SFMBT2: variants seen among roughly 807,000 people sequenced by gnomAD.
SFMBT2 encodes the protein Scm like with four mbt domains 2.
A neutral mutation model predicts 110.1 loss-of-function variants in SFMBT2; 38 were observed. The observed-to-expected ratio is 0.35, with a 90% CI of 0.27 to 0.45. The LOEUF is 0.45. Among genes scored for constraint, SFMBT2 ranks in the 20% least tolerant of loss-of-function variants. SFMBT2 has a pLI of 1.00. For missense variants in SFMBT2, 1,011 were observed against 1,094.9 expected, an observed-to-expected ratio of 0.92 and a Z score of 1.08; for synonymous variants, 425 against 425.4, an observed-to-expected ratio of 1.00 and a Z score of 0.01.
chr10:7,386,906 C>A (rs1345626156), intron 1 of SFMBT2, among the ~76,000 whole-genome samples: 1 of 152,164 alleles, frequency 6.6e-6, no homozygotes, highest in Non-Finnish European at 1.5e-5. Context: ...GATGAAGTCA[C>A]CTGCTCAGCA....
chr10:7,277,963 CCT>C (rs1303426195), intron 6 of SFMBT2, among the ~76,000 whole-genome samples: 3 of 152,194 alleles, frequency 2.0e-5, no homozygotes, highest in East Asian at 3.8e-4. Flanking sequence ...GCTTTAAGCC[CCT>C]GTTTCCGCAG....
chr10:7,292,114 A>G (rs1048644575), intron 4 of SFMBT2: 1 of 156,520 alleles, frequency 6.4e-6, no homozygotes, highest in African/African-American at 2.4e-5. Context: ...TACCATTTTA[A>G]TGGGGTCTCT....
At chr10:7,304,195 G>C (rs998535009) in intron 4 of SFMBT2, among the ~76,000 whole-genome samples, 1 of 152,194 alleles carries the variant, frequency 6.6e-6, no homozygotes, top group Non-Finnish European at 1.5e-5. Flanking sequence ...CCCACTGGGA[G>C]GTAACTGAAT....
intron 16 of SFMBT2, among the ~76,000 whole-genome samples, chr10:7,177,787 G>A (rs569084680): frequency 1.6e-4 from 24 of 152,068 alleles, no homozygotes; most frequent in African/African-American, 2.4e-4. Context: ...GAGCACAGGC[G>A]GTCAAGGCTG....
intron 10 of SFMBT2, among the ~76,000 whole-genome samples, chr10:7,224,558 C>T (rs560851957): frequency 1.3e-5 from 2 of 152,246 alleles, no homozygotes; most frequent in South Asian, 2.1e-4. Context: ...TGGGACAATT[C>T]TCCCATGCTA....
At position 7,322,236 on chromosome 10, in the gene SFMBT2, C is replaced by T. The variant is rs12255733; in HGVS notation, c.437-36282G>A. On this transcript the variant is annotated intron_variant, in intron 4 of 20. Transcript: ENST00000397167. The stretch of plus-strand genomic sequence containing the variant: ...ACATGGGAGTTCCCATGCACAAGCT[C>T]TCTTGCCTGCCACCATGTAAGATGT... Among the ~76,000 whole-genome samples the T allele has an allele frequency of 7.0e-3, 1,061 of 152,334 alleles. 14 individuals are homozygous for T. The highest frequency in any genetic ancestry group is 0.024 in the African/African-American group (1,002 of 41,566).
intron 7 of SFMBT2, among the ~76,000 whole-genome samples, chr10:7,253,818 C>CA: frequency 1.1e-5 from 1 of 92,648 alleles, no homozygotes; most frequent in Non-Finnish European, 2.1e-5. Flanking sequence ...ACTTTCTAAT[C>CA]AACAACCAAA....
At chr10:7,399,142 G>C (rs992826159) in intron 1 of SFMBT2, among the ~76,000 whole-genome samples, 10 of 152,172 alleles carry the variant, frequency 6.6e-5, no homozygotes, top group African/African-American at 2.4e-4. Context: ...GGAAACCCTC[G>C]CCTGTGGAGC....
rs937133615 is a variant in SFMBT2 at position 7,189,109 on chromosome 10, T to C, written c.1699-376A>G. ...ATAGGCTACTGAGAATTTCATTCTATTTTTACAGATTTCATAAGGAACTAA... is the reference window on the plus strand; with the variant it reads ...ATAGGCTACTGAGAATTTCATTCTACTTTTACAGATTTCATAAGGAACTAA... On this transcript the variant is annotated intron_variant, in intron 15 of 20. Coordinates refer to ENST00000397167, the MANE Select transcript of SFMBT2 (RefSeq NM_001387889.1). 4.1e-6 allele frequency: 4 copies of C among 967,226 alleles called. 1 individual carries two copies. In the African/African-American group the frequency reaches 7.0e-5, roughly 17 times the overall value. The allele number at this position is 967,226 out of a possible 1,614,324, so 59.9% of individuals were successfully genotyped here.
intron 11 of SFMBT2, among the ~76,000 whole-genome samples, chr10:7,210,796 G>A (rs1016914476): frequency 4.6e-5 from 7 of 152,180 alleles, no homozygotes; most frequent in East Asian, 1.9e-4. Context: ...CTCTGGAGCC[G>A]AAGGCCTGGG....
chr10:7,211,545 G>A (rs1839348904), intron 11 of SFMBT2, among the ~76,000 whole-genome samples: 1 of 152,094 alleles, frequency 6.6e-6, no homozygotes, highest in Non-Finnish European at 1.5e-5. Context: ...ACCTAACAGA[G>A]CAGCAGCCTT....
At chr10:7,351,747 G>C (rs1196727444) in intron 4 of SFMBT2, among the ~76,000 whole-genome samples, 1 of 152,210 alleles carries the variant, frequency 6.6e-6, no homozygotes, top group African/African-American at 2.4e-5. Flanking sequence ...CGAGTGAGGA[G>C]CTACTGGCTA....
chr10:7,410,587 T>G (rs1292892179), intron 1 of SFMBT2, among the ~76,000 whole-genome samples: 1 of 152,114 alleles, frequency 6.6e-6, no homozygotes, highest in African/African-American at 2.4e-5. Context: ...GAAGCAAAAA[T>G]GACAACCTGG....
intron 1 of SFMBT2, among the ~76,000 whole-genome samples, chr10:7,394,531 A>C: frequency 7.9e-6 from 1 of 126,230 alleles, no homozygotes. Context: ...ACTCCCCGAC[A>C]CGCTCACCCC....
rs548863841 is a variant in SFMBT2 at position 7,394,122 on chromosome 10, C to A, written c.-51-12173G>T. ...TCAAGAGATCCTCCTAACTCAGCCT[C>A]TCAAGTAGCTGGGATTACAGGCGCG... On this transcript the variant is annotated intron_variant, in intron 1 of 20. Transcript: ENST00000397167. 4.6e-5 allele frequency among the ~76,000 whole-genome samples: 7 copies of A among 152,208 alleles called. No homozygotes were observed. In the East Asian group the frequency reaches 1.4e-3, roughly 30 times the overall value.
chr10:7,180,938 C>T (rs140764893), intron 16 of SFMBT2, among the ~76,000 whole-genome samples: 2,166 of 152,216 alleles, frequency 0.014, 19 homozygotes, highest in Middle Eastern at 0.031. Flanking sequence ...TTGGAGCCTA[C>T]GTTCCACCAC....
At chr10:7,352,944 G>T (rs1251263968) in intron 4 of SFMBT2, among the ~76,000 whole-genome samples, 1 of 151,876 alleles carries the variant, frequency 6.6e-6, no homozygotes, top group African/African-American at 2.4e-5. Context: ...CAGGAGGTGG[G>T]GCTTGCAGTG....
chr10:7,405,293 C>A (rs1846182712), intron 1 of SFMBT2, among the ~76,000 whole-genome samples: 1 of 152,164 alleles, frequency 6.6e-6, no homozygotes. Context: ...TCTCTTTGAG[C>A]CTGGAAATTA....
rs767676222 is a variant in SFMBT2, at chr10:7,172,067, G to A, written c.2243C>T (p.Ser748Leu). ...SELRDDQTDT[S>L]SAEVPSARPR... ...CCGGGCCGAGGGCACCTCCGCCGAC[G>A]AGGTGTCCGTCTGGTCATCCCGGAG... The change falls in exon 19 of 21, where the codon TCG becomes TTG. Residue 748 changes from serine (S) to leucine (L), a missense_variant. Physicochemically the swap from Ser to Leu is moderately radical, Grantham distance 145. Coordinates refer to ENST00000397167, the MANE Select transcript of SFMBT2 (RefSeq NM_001387889.1). This position sits in a 1 kb window ranked among gnomAD's most constrained non-coding sequence, Gnocchi z 4.6. 101 of 1,605,322 alleles carry A rather than the reference G, an allele frequency of 6.3e-5. No individual in the cohort carries two copies. The highest frequency in any genetic ancestry group is 1.1e-4 in the East Asian group (5 of 44,542).
Sources: allele counts gnomAD v4.1 joint callset (sites outside exome capture counted in the v4.1 genomes callset), GRCh38; gene constraint gnomAD v4.1.1; non-coding constraint Gnocchi (gnomAD v3.1); transcripts MANE v1.5; gene names NCBI Gene and HGNC (gene_info 2026-07-23, HGNC 2026-07-21).